Variants in DSCAM observed in about 807,000 individuals in gnomAD.
DSCAM encodes the protein DS cell adhesion molecule.
A neutral mutation model predicts 217.7 loss-of-function variants in DSCAM; 47 were observed. That is an observed-to-expected ratio of 0.22 (90% CI 0.17 to 0.28). The LOEUF is 0.28. Ranked by LOEUF, DSCAM falls within the 10% of genes least tolerant of loss-of-function variation. DSCAM has a pLI of 1.00. For synonymous variants in DSCAM, 1,056 were observed against 1,015.3 expected (o/e 1.04, Z -0.76); for missense variants, 2,080 against 2,618.3 (o/e 0.79, Z 4.49).
Position 40,746,833 on chromosome 21 carries a change from A to C in DSCAM, c.44-38062T>G, listed in dbSNP as rs79895750. 6.6e-4 allele frequency among the ~76,000 whole-genome samples: 101 copies of C among 152,094 alleles called. 1 individual carries two copies. The East Asian group carries it at 0.017, about 26-fold the overall frequency. The stretch of plus-strand genomic sequence containing the variant: ...TTATGAAAGTCACAAAACAAGTCTT[A>C]GAAATTTTTTAAAAATCAAAATCAT... On this transcript the variant is annotated intron_variant, in intron 1 of 32. Coordinates refer to ENST00000400454, the MANE Select transcript of DSCAM (RefSeq NM_001389.5).
At position 40,093,936 on chromosome 21, in the gene DSCAM, C is replaced by T. The variant is rs1023573226; in HGVS notation, c.3697-62G>A. ...AAGCATGTGGCAAAAATGGATTTCCCGAAGGAATGGTCATGAACATATTAA... is the reference window on the plus strand; with the variant it reads ...AAGCATGTGGCAAAAATGGATTTCCTGAAGGAATGGTCATGAACATATTAA... On this transcript the variant is annotated intron_variant, in intron 20 of 32. Transcript: ENST00000400454. 58 of 1,553,382 alleles carry T rather than the reference C, an allele frequency of 3.7e-5. 1 individual carries two copies. The South Asian group carries it at 4.3e-4, about 12-fold the overall frequency.
At chr21:40,647,146 G>T (rs1418260224) in intron 3 of DSCAM, among the ~76,000 whole-genome samples, 1 of 152,310 alleles carries the variant, frequency 6.6e-6, no homozygotes. Context: ...TGGAGGAGTT[G>T]TTAAAGTTCA....
chr21:40,021,095 A>T (rs1269970320), intron 32 of DSCAM, among the ~76,000 whole-genome samples: 1 of 151,214 alleles, frequency 6.6e-6, no homozygotes, highest in Non-Finnish European at 1.5e-5. Context: ...AGAGAGGGGA[A>T]GAGACACACA....
chr21:40,110,692 A>G (rs2089886680), intron 20 of DSCAM, among the ~76,000 whole-genome samples: 1 of 152,242 alleles, frequency 6.6e-6, no homozygotes, highest in Non-Finnish European at 1.5e-5. Flanking sequence ...ATGGCTAACT[A>G]GAATAACCAA....
intron 2 of DSCAM, among the ~76,000 whole-genome samples, chr21:40,704,614 G>C (rs1337437776): frequency 2.0e-5 from 3 of 151,990 alleles, no homozygotes; most frequent in Non-Finnish European, 1.5e-5. Context: ...GCAGCTACTT[G>C]GGAGGCTGAG....
At position 40,672,156 on chromosome 21, in the gene DSCAM, A is replaced by C. The variant is rs117227703; in HGVS notation, c.508+20654T>G. 8.2e-3 allele frequency among the ~76,000 whole-genome samples: 1,248 copies of C among 151,900 alleles called. 11 individuals carry two copies. Among genetic ancestry groups the C allele is most frequent in the Middle Eastern group, 0.041 (12 of 292 alleles). On this transcript the variant is annotated intron_variant, in intron 3 of 32. Transcript: ENST00000400454. ...GCCCTGATGCCCTCATTTAATCTTA[A>C]TTACTTCCTTAAGTGCCTCACTTCC...
chr21:40,663,713 G>A (rs1401855014), intron 3 of DSCAM, among the ~76,000 whole-genome samples: 1 of 152,146 alleles, frequency 6.6e-6, no homozygotes, highest in African/African-American at 2.4e-5. Context: ...GCCATGCTAG[G>A]TATGCCAAGG....
intron 3 of DSCAM, among the ~76,000 whole-genome samples, chr21:40,402,576 C>T (rs1355799559): frequency 6.6e-6 from 1 of 151,662 alleles, no homozygotes; most frequent in Non-Finnish European, 1.5e-5. Context: ...AGTGATACTG[C>T]TTTTCTTTAC....
intron 3 of DSCAM, among the ~76,000 whole-genome samples, chr21:40,433,347 A>AAG: frequency 2.9e-5 from 1 of 34,664 alleles, no homozygotes; most frequent in African/African-American, 1.0e-4. Context: ...GACTCCGTCT[A>AAG]AAAAAAAAAA....
Position 40,179,445 on chromosome 21 carries a change from A to G in DSCAM, c.2780-351T>C, listed in dbSNP as rs533068347. Among the ~76,000 whole-genome samples, 24 of 152,272 alleles carry G rather than the reference A, an allele frequency of 1.6e-4. No individual in the cohort carries two copies. The East Asian group carries it at 4.7e-3, about 30-fold the overall frequency. On this transcript the variant is annotated intron_variant, in intron 14 of 32. Transcript: ENST00000400454. ...CAGTGGTGGAAGCTCAGGTTAGTGGAATGGACGATGGCCACTGTAAGCACT... is the reference window on the plus strand; with the variant it reads ...CAGTGGTGGAAGCTCAGGTTAGTGGGATGGACGATGGCCACTGTAAGCACT...
In DSCAM at chr21:40,517,404, AACACAC is replaced by A. The variant is rs3070750; in HGVS notation, c.509-148165_509-148160del. ...CACACATCTATACACACACACAAGCAACACACACACACACACACACACACACACACA... is the reference window on the plus strand; with the variant it reads ...CACACATCTATACACACACACAAGCAACACACACACACACACACACACACA... On this transcript the variant is annotated intron_variant, in intron 3 of 32. Coordinates refer to ENST00000400454, the MANE Select transcript of DSCAM (RefSeq NM_001389.5). Among the ~76,000 whole-genome samples the A allele has an allele frequency of 2.7e-3, 391 of 144,436 alleles. 1 individual carries two copies. The highest frequency in any genetic ancestry group is 0.011 in the South Asian group (50 of 4,412). 94.8% of individuals were successfully genotyped at this position (144,436 alleles called of 152,430 possible). A position where few individuals can be genotyped will look rare whatever the true frequency, so the allele number is the denominator to read the frequency against.
intron 3 of DSCAM, among the ~76,000 whole-genome samples, chr21:40,581,530 T>C (rs1195992348): frequency 6.6e-6 from 1 of 152,180 alleles, no homozygotes; most frequent in African/African-American, 2.4e-5. Flanking sequence ...AATCCTAAAC[T>C]GTAGCAACTT....
At chr21:40,695,352 G>A (rs1267992085) in intron 2 of DSCAM, among the ~76,000 whole-genome samples, 1 of 152,068 alleles carries the variant, frequency 6.6e-6, no homozygotes, top group Non-Finnish European at 1.5e-5. Context: ...AATGTCCAGT[G>A]TCCTAGGAAA....
Position 40,246,335 on chromosome 21 carries a change from G to A in DSCAM, c.2356+29762C>T, listed in dbSNP as rs972682716. On this transcript the variant is annotated intron_variant, in intron 11 of 32. Transcript: ENST00000400454. ...AGTTCAAGACCAGCCTGGCCAACAT[G>A]ATGAAACCCAGTCCGTACTAAAAAA... Among the ~76,000 whole-genome samples the A allele has an allele frequency of 9.1e-5, 9 of 99,064 alleles. No individual in the cohort carries two copies. In the South Asian group the frequency reaches 1.5e-3, roughly 17 times the overall value. 65.0% of individuals were successfully genotyped at this position (99,064 alleles called of 152,430 possible). A position where few individuals can be genotyped will look rare whatever the true frequency, so the allele number is the denominator to read the frequency against.
At chr21:40,179,184 CAAAAAA>C (rs11286508) in intron 14 of DSCAM, 90 bp from the exon 15 acceptor site, 89 of 102,606 alleles carry the variant, frequency 8.7e-4, no homozygotes, top group Admixed American at 3.5e-3. Context: ...AATTAAAAAC[CAAAAAA>C]AAAAAAAAAA....
chr21:40,837,537 C>T (rs2092066888), intron 1 of DSCAM, among the ~76,000 whole-genome samples: 2 of 152,200 alleles, frequency 1.3e-5, no homozygotes, highest in Non-Finnish European at 2.9e-5. Context: ...TGAGTCATAA[C>T]AGACACATCT....
rs542310520 is a variant in DSCAM, at chr21:40,567,347, C to T, written c.508+125463G>A. ...TGCCTCCTTGTCTTCCTTGCTAAGA[C>T]GAAGGAAATGGAAATGAAAGTGCCT... On this transcript the variant is annotated intron_variant, in intron 3 of 32. Coordinates refer to ENST00000400454, the MANE Select transcript of DSCAM (RefSeq NM_001389.5). Among the ~76,000 whole-genome samples, 174 of 152,224 alleles carry T rather than the reference C, an allele frequency of 1.1e-3. 1 individual carries two copies. The highest frequency in any genetic ancestry group is 6.8e-3 in the Middle Eastern group (2 of 294).
At chr21:40,309,834 C>A (rs1381159292) in intron 9 of DSCAM, among the ~76,000 whole-genome samples, 1 of 152,086 alleles carries the variant, frequency 6.6e-6, no homozygotes, top group Non-Finnish European at 1.5e-5. Flanking sequence ...TCTGAAATAG[C>A]CTGTTAACTA....
At chr21:40,813,923 G>T (rs1007917379) in intron 1 of DSCAM, among the ~76,000 whole-genome samples, 2 of 152,050 alleles carry the variant, frequency 1.3e-5, no homozygotes, top group Non-Finnish European at 2.9e-5. Flanking sequence ...GGGATTACAG[G>T]TATGAGCCCC....
Sources: gnomAD v4.1 joint callset for allele counts (sites outside exome capture counted in the v4.1 genomes callset) on GRCh38, gnomAD v4.1.1 for gene constraint, MANE v1.5 for transcripts, NCBI Gene and HGNC (gene_info 2026-07-23, HGNC 2026-07-21) for gene names.